Variants in FILIP1L observed in about 807,000 individuals in gnomAD.
The protein encoded by FILIP1L is filamin A interacting protein 1 like.
In FILIP1L, 55 loss-of-function variants were observed where a neutral mutation model predicts 96.6. The ratio of observed to expected loss-of-function variants is 0.57; its 90% CI spans 0.46 to 0.71. FILIP1L has a LOEUF of 0.71. Among genes scored for constraint, FILIP1L ranks in the 30% least tolerant of loss-of-function variants. FILIP1L has a pLI of 0.00. For missense variants in FILIP1L, 1,304 were observed against 1,321.2 expected, an observed-to-expected ratio of 0.99 and a Z score of 0.20; for synonymous variants, 467 against 473.9, an observed-to-expected ratio of 0.99 and a Z score of 0.19.
intron 5 of FILIP1L, 181 bp downstream of exon 5, chr3:99,848,114 T>C: frequency 6.9e-7 from 1 of 1,458,958 alleles, no homozygotes; most frequent in Non-Finnish European, 9.0e-7. Context: ...TCGATATGAC[T>C]ATGCAGGCAA....
chr3:99,973,404 A>G (rs181856352), intron 1 of FILIP1L, among the ~76,000 whole-genome samples: 27 of 152,348 alleles, frequency 1.8e-4, no homozygotes, highest in African/African-American at 4.3e-4. Context: ...CATTAATTCA[A>G]TCCTCTTCTA....
At chr3:99,899,501 A>G (rs1706367031) in intron 4 of FILIP1L, among the ~76,000 whole-genome samples, 1 of 152,250 alleles carries the variant, frequency 6.6e-6, no homozygotes, top group Admixed American at 6.5e-5. Flanking sequence ...GTTATTGTAT[A>G]TAAAGGATTT....
intron 1 of FILIP1L, among the ~76,000 whole-genome samples, chr3:100,024,891 A>C (rs17392822): frequency 6.6e-5 from 10 of 152,164 alleles, no homozygotes; most frequent in Non-Finnish European, 1.3e-4. Flanking sequence ...CTTTCAAGCT[A>C]TCAGGGCACC....
At chr3:100,081,609 G>A (rs1252543029) in intron 1 of FILIP1L, among the ~76,000 whole-genome samples, 1 of 152,172 alleles carries the variant, frequency 6.6e-6, no homozygotes, top group African/African-American at 2.4e-5. Context: ...TTGCCTCCTT[G>A]AAGTCTGCAT....
chr3:99,897,867 G>A (rs1281495507), intron 4 of FILIP1L, among the ~76,000 whole-genome samples: 1 of 152,174 alleles, frequency 6.6e-6, no homozygotes, highest in Non-Finnish European at 1.5e-5. Context: ...AATATATGTG[G>A]TAAAACAAAT....
intron 4 of FILIP1L, among the ~76,000 whole-genome samples, chr3:99,912,156 A>G (rs1457187279): frequency 3.9e-5 from 6 of 152,226 alleles, no homozygotes; most frequent in Admixed American, 3.9e-4. Context: ...GGTTTTATTC[A>G]GCCATAAAAA....
chr3:99,974,886 T>C (rs1012814634), intron 1 of FILIP1L, among the ~76,000 whole-genome samples: 2 of 152,224 alleles, frequency 1.3e-5, no homozygotes, highest in Non-Finnish European at 2.9e-5. Flanking sequence ...GCTCTTGTGT[T>C]TGCCATACCA....
chr3:99,851,562 G>A (rs1423718284), intron 4 of FILIP1L, among the ~76,000 whole-genome samples: 2 of 152,128 alleles, frequency 1.3e-5, no homozygotes, highest in African/African-American at 2.4e-5. Context: ...AATTAAATGC[G>A]GTAATTCATC....
intron 1 of FILIP1L, among the ~76,000 whole-genome samples, chr3:99,955,050 C>G (rs1207284084): frequency 1.3e-5 from 2 of 152,214 alleles, no homozygotes; most frequent in African/African-American, 2.4e-5. Flanking sequence ...GGTATCTTCT[C>G]TCACTTAAAA....
intron 3 of FILIP1L, among the ~76,000 whole-genome samples, chr3:99,924,937 A>G (rs1707243857): frequency 6.6e-6 from 1 of 152,216 alleles, no homozygotes; most frequent in Non-Finnish European, 1.5e-5. Flanking sequence ...TCTTGACAGA[A>G]TAATCTGTGT....
chr3:99,953,949 G>A (rs1395116116), intron 1 of FILIP1L, among the ~76,000 whole-genome samples: 1 of 152,202 alleles, frequency 6.6e-6, no homozygotes, highest in African/African-American at 2.4e-5. Flanking sequence ...TTCCCACATT[G>A]TAAGTCTCTT....
In FILIP1L at chr3:100,026,711, ACTT is replaced by A. The variant is rs1246945737; in HGVS notation, c.-11+87339_-11+87341del. On this transcript the variant is annotated intron_variant, in intron 1 of 5. Transcript: ENST00000477258. ...CTCAAAATATATTCAGAATCTGATC[ACTT>A]CTTACGGATTTCTGTTGCACTACTG... is the stretch of plus-strand genomic sequence containing the variant. Among the ~76,000 whole-genome samples the A allele has an allele frequency of 2.0e-5, 3 of 152,236 alleles. No individual in the cohort carries two copies. In the East Asian group the frequency reaches 5.8e-4, roughly 29 times the overall value.
At chr3:99,831,713 G>A (rs1275151803) in intron 5 of FILIP1L, among the ~76,000 whole-genome samples, 3 of 152,166 alleles carry the variant, frequency 2.0e-5, no homozygotes, top group Non-Finnish European at 4.4e-5. Context: ...TGTTGGGATC[G>A]TCTTTAAATT....
At chr3:100,018,182 C>T (rs1034385939) in intron 1 of FILIP1L, among the ~76,000 whole-genome samples, 23 of 152,020 alleles carry the variant, frequency 1.5e-4, no homozygotes, top group African/African-American at 5.3e-4. Flanking sequence ...AAAAATTAGC[C>T]GGGCGTGGTG....
At chr3:100,107,341 G>GTACACAT (rs1559759713) in intron 1 of FILIP1L, among the ~76,000 whole-genome samples, 1 of 152,068 alleles carries the variant, frequency 6.6e-6, no homozygotes, top group Admixed American at 6.6e-5. Context: ...AGTGCATGTG[G>GTACACAT]GTTTTAAGTA....
intron 1 of FILIP1L, among the ~76,000 whole-genome samples, chr3:99,975,580 C>T (rs974392516): frequency 8.7e-5 from 13 of 149,756 alleles, no homozygotes; most frequent in Admixed American, 3.3e-4. Flanking sequence ...AATGAGACTC[C>T]GTCTCAAAAA....
intron 1 of FILIP1L, among the ~76,000 whole-genome samples, chr3:100,093,453 CA>C (rs958514288): frequency 2.6e-5 from 4 of 151,968 alleles, no homozygotes; most frequent in African/African-American, 9.6e-5. Context: ...TACTTTTTTA[CA>C]AAAAATATAT....
At chr3:100,072,706 C>A (rs7431827) in intron 1 of FILIP1L, among the ~76,000 whole-genome samples, 11 of 152,122 alleles carry the variant, frequency 7.2e-5, no homozygotes, top group Non-Finnish European at 1.0e-4. Context: ...TACAGATTAT[C>A]TACTGGACAG....
chr3:99,867,378 T>C (rs1046956950), intron 4 of FILIP1L, among the ~76,000 whole-genome samples: 7 of 152,196 alleles, frequency 4.6e-5, no homozygotes, highest in African/African-American at 1.7e-4. Context: ...TGATTTGAAT[T>C]TTAAGAGAAG....
Sources: gnomAD v4.1 joint callset for allele counts (sites outside exome capture counted in the v4.1 genomes callset) on GRCh38, gnomAD v4.1.1 for gene constraint, MANE v1.5 for transcripts, NCBI Gene and HGNC (gene_info 2026-07-23, HGNC 2026-07-21) for gene names.